Variants in SYK observed in about 807,000 individuals in gnomAD.
The protein encoded by SYK is tyrosine-protein kinase SYK.
A neutral mutation model predicts 77.8 loss-of-function variants in SYK; 16 were observed. The ratio of observed to expected loss-of-function variants is 0.21; its 90% CI spans 0.14 to 0.31. SYK has a LOEUF of 0.31. Among genes scored for constraint, SYK ranks in the 10% least tolerant of loss-of-function variants. The probability of loss-of-function intolerance (pLI) is 1.00; values close to 1 mark genes in which losing one functional copy is unlikely to be tolerated. For missense variants in SYK, 529 were observed against 814.4 expected (o/e 0.65, Z 4.26); for synonymous variants, 312 against 308.7 (o/e 1.01, Z -0.11).
chr9:90,888,489 G>A, intron 12 of SYK, 26 bp from the exon 13 acceptor site: 1 of 1,482,950 alleles, frequency 6.7e-7, no homozygotes, highest in South Asian at 1.3e-5. Context: ...AAAAAAAAAA[G>A]CTTATGCATA....
At chr9:90,862,810 A>G (rs977191848) in intron 4 of SYK, among the ~76,000 whole-genome samples, 53 of 152,224 alleles carry the variant, frequency 3.5e-4, no homozygotes, top group African/African-American at 1.1e-3. Flanking sequence ...TGCCTGGGGA[A>G]GGAGGCCTAG....
chr9:90,807,108 G>A (rs143982406), intron 1 of SYK, among the ~76,000 whole-genome samples: 2 of 152,314 alleles, frequency 1.3e-5, no homozygotes, highest in East Asian at 3.9e-4. Flanking sequence ...CTTTGTGCAG[G>A]TAACATGCAC....
intron 7 of SYK, among the ~76,000 whole-genome samples, chr9:90,873,770 T>C (rs1827822918): frequency 1.3e-5 from 2 of 152,174 alleles, no homozygotes; most frequent in Non-Finnish European, 1.5e-5. Context: ...AGCTGATGAG[T>C]ACTAATTTTC....
At chr9:90,815,884 A>C (rs1289865481) in intron 1 of SYK, among the ~76,000 whole-genome samples, 1 of 152,184 alleles carries the variant, frequency 6.6e-6, no homozygotes, top group Non-Finnish European at 1.5e-5. Flanking sequence ...AGAGGTGATA[A>C]TTCTAGATAA....
chr9:90,824,299 C>A (rs1262510573), intron 1 of SYK, among the ~76,000 whole-genome samples: 1 of 152,126 alleles, frequency 6.6e-6, no homozygotes, highest in Non-Finnish European at 1.5e-5. Flanking sequence ...TGAATTCTGT[C>A]AAACACTTAA....
chr9:90,848,479 C>T (rs4744514), intron 3 of SYK, among the ~76,000 whole-genome samples: 94,901 of 152,104 alleles, frequency 0.62, 30,010 homozygotes, highest in African/African-American at 0.71. Context: ...TTATAAAATG[C>T]ACATTATTTG....
At chr9:90,893,452 T>G (rs1475545735) in intron 13 of SYK, among the ~76,000 whole-genome samples, 1 of 151,910 alleles carries the variant, frequency 6.6e-6, no homozygotes, top group Non-Finnish European at 1.5e-5. Context: ...TCCAAGGTGA[T>G]ATATAGAGAC....
chr9:90,884,264 T>C (rs1437127822), intron 11 of SYK, among the ~76,000 whole-genome samples: 4 of 133,772 alleles, frequency 3.0e-5, no homozygotes, highest in Non-Finnish European at 6.5e-5. Context: ...CACATACACA[T>C]ACGTGTATAT....
intron 10 of SYK, among the ~76,000 whole-genome samples, chr9:90,878,311 A>G (rs1828020812): frequency 6.6e-6 from 1 of 152,198 alleles, no homozygotes; most frequent in Non-Finnish European, 1.5e-5. Context: ...GGAGTAAGAC[A>G]GAATGATGGC....
At chr9:90,852,618 A>G (rs62559146) in intron 3 of SYK, among the ~76,000 whole-genome samples, 34,421 of 152,216 alleles carry the variant, frequency 0.23, 4,266 homozygotes, top group Non-Finnish European at 0.28. Context: ...TTTAAGACAC[A>G]TAAGTGGCTG....
chr9:90,889,854 G>A (rs745991788), intron 13 of SYK, among the ~76,000 whole-genome samples: 6 of 152,182 alleles, frequency 3.9e-5, no homozygotes, highest in Admixed American at 6.5e-5. Context: ...AACTAGAATC[G>A]TAAGAACCAT....
At chr9:90,818,141 G>A (rs1261517490) in intron 1 of SYK, among the ~76,000 whole-genome samples, 1 of 152,144 alleles carries the variant, frequency 6.6e-6, no homozygotes, top group African/African-American at 2.4e-5. Flanking sequence ...GCATGTTATT[G>A]CTCAGGATCG....
At chr9:90,866,395 C>G (rs1003480427) in intron 6 of SYK, among the ~76,000 whole-genome samples, 5 of 152,230 alleles carry the variant, frequency 3.3e-5, no homozygotes, top group Admixed American at 6.5e-5. Context: ...CACTTGTTAT[C>G]AAATGCAGGG....
chr9:90,818,422 T>C (rs1587815777), intron 1 of SYK, among the ~76,000 whole-genome samples: 1 of 152,212 alleles, frequency 6.6e-6, no homozygotes, highest in Non-Finnish European at 1.5e-5. Flanking sequence ...TTGTTGGCTT[T>C]GATCCGTTCA....
At chr9:90,870,125 A>G (rs1827673343) in intron 7 of SYK, among the ~76,000 whole-genome samples, 1 of 152,202 alleles carries the variant, frequency 6.6e-6, no homozygotes, top group African/African-American at 2.4e-5. Context: ...AAAAGAAAAG[A>G]AAAGAAATTA....
Position 90,892,219 on chromosome 9 carries a change from G to A in SYK, c.1836-3309G>A, listed in dbSNP as rs112594836. Reference sequence around the variant, plus strand: ...GACAAATAAAATCTGGCTAGAAGGAGTAAATTTTCTAGAGAAGGCGCTAGG... The same window carrying A: ...GACAAATAAAATCTGGCTAGAAGGAATAAATTTTCTAGAGAAGGCGCTAGG... On this transcript the variant is annotated intron_variant, in intron 13 of 13. Transcript: ENST00000375754. 3.2e-3 allele frequency among the ~76,000 whole-genome samples: 490 copies of A among 152,294 alleles called. 1 individual carries two copies. The highest frequency in any genetic ancestry group is 0.011 in the African/African-American group (464 of 41,550).
At chr9:90,815,924 G>T (rs1825274753) in intron 1 of SYK, among the ~76,000 whole-genome samples, 1 of 152,220 alleles carries the variant, frequency 6.6e-6, no homozygotes, top group Non-Finnish European at 1.5e-5. Context: ...CTATCTGGCT[G>T]TATGCTAAGC....
chr9:90,842,612 CGT>C (rs937272596), intron 1 of SYK, among the ~76,000 whole-genome samples: 20 of 141,684 alleles, frequency 1.4e-4, no homozygotes, highest in African/African-American at 5.0e-4. Context: ...TAGTGTGTTT[CGT>C]GTGTGTGGTA....
intron 13 of SYK, among the ~76,000 whole-genome samples, chr9:90,894,653 A>C (rs921342841): frequency 7.2e-5 from 11 of 152,184 alleles, no homozygotes; most frequent in Admixed American, 4.6e-4. Context: ...ATTCTGTTTC[A>C]CTTTTTCACT....
Sources: allele counts gnomAD v4.1 joint callset (sites outside exome capture counted in the v4.1 genomes callset), GRCh38; gene constraint gnomAD v4.1.1; transcripts MANE v1.5; gene names NCBI Gene and HGNC (gene_info 2026-07-23, HGNC 2026-07-21).